SLAIN1: variants seen among roughly 807,000 people sequenced by gnomAD.
SLAIN1 encodes the protein SLAIN family member 1.
SLAIN1 carries 17 observed loss-of-function variants against 55.4 expected under a neutral mutation model. The ratio of observed to expected loss-of-function variants is 0.31; its 90% CI spans 0.21 to 0.46. The LOEUF (loss-of-function observed/expected upper bound fraction) is 0.46, where lower values mean the gene tolerates loss of function less well. Among genes scored for constraint, SLAIN1 ranks in the 20% least tolerant of loss-of-function variants. The pLI, the probability that SLAIN1 is intolerant of heterozygous loss-of-function variation, is 1.00. For synonymous variants in SLAIN1, 348 were observed against 337.4 expected, an observed-to-expected ratio of 1.03 and a Z score of -0.35; for missense variants, 682 against 785.1, an observed-to-expected ratio of 0.87 and a Z score of 1.57.
At chr13:77,719,791 C>T in intron 2 of SLAIN1, 120 bp downstream of exon 2, 1 of 1,075,218 alleles carries the variant, frequency 9.3e-7, no homozygotes, top group African/African-American at 1.6e-5. Flanking sequence ...GCAGCTGTTG[C>T]ATGCAATTTG....
At position 77,697,996 on chromosome 13, in the gene SLAIN1, A is replaced by C; in HGVS notation, c.83A>C (p.Glu28Ala). 1 of 1,440,630 alleles carries C rather than the reference A, an allele frequency of 6.9e-7. No homozygotes were observed. 89.2% of individuals were successfully genotyped at this position (1,440,630 alleles called of 1,614,324 possible). Residue 28 changes from glutamate (E) to alanine (A), a missense_variant, in exon 1 of 7, where the codon GAG becomes GCG. Transcript: ENST00000418532. ...GSGPVVNAEL[E>A]VKKLQELVRK... is the part of the protein sequence containing the mutation. Reference sequence around the variant, plus strand: ...GGGCCGGTGGTGAACGCGGAGCTGGAGGTGAAGAAGCTGCAGGAGCTGGTG... The same window carrying C: ...GGGCCGGTGGTGAACGCGGAGCTGGCGGTGAAGAAGCTGCAGGAGCTGGTG...
intron 2 of SLAIN1, among the ~76,000 whole-genome samples, chr13:77,730,029 T>C (rs2091342670): frequency 6.6e-6 from 1 of 151,910 alleles, no homozygotes; most frequent in Non-Finnish European, 1.5e-5. Flanking sequence ...AGTCTTTCAG[T>C]CTCAGAGACA....
At chr13:77,750,927 A>C (rs953394556) in intron 4 of SLAIN1, among the ~76,000 whole-genome samples, 57 of 152,290 alleles carry the variant, frequency 3.7e-4, no homozygotes, top group African/African-American at 1.3e-3. Flanking sequence ...TATACATATT[A>C]TCTAAGTATA....
At chr13:77,760,373 G>A (rs1479355347) in intron 5 of SLAIN1, among the ~76,000 whole-genome samples, 1 of 152,100 alleles carries the variant, frequency 6.6e-6, no homozygotes, top group Non-Finnish European at 1.5e-5. Flanking sequence ...TATTATTTAA[G>A]GAATATATCT....
rs2091000114 is a variant in SLAIN1 at position 77,698,762 on chromosome 13, G to A, written c.626+223G>A. The A allele has an allele frequency of 1.7e-6, 2 of 1,146,298 alleles. No homozygotes were observed. Among genetic ancestry groups the A allele is most frequent in the Non-Finnish European group, 2.4e-6 (2 of 847,236 alleles). 71.0% of individuals were successfully genotyped at this position (1,146,298 alleles called of 1,614,324 possible). On this transcript the variant is annotated intron_variant, in intron 1 of 6. Transcript: ENST00000418532. The surrounding 1 kb of genome is among the most constrained non-coding windows in gnomAD (Gnocchi z 4.1). ...CCTGTTTTCTAATCGCTCCGACTGC[G>A]GATGAACCGGCCCCCCCTTCCCCCC... is the stretch of plus-strand genomic sequence containing the variant.
chr13:77,733,808 G>A lies in SLAIN1; in HGVS notation c.767-10475G>A, dbSNP rs114157859. Reference sequence around the variant, plus strand: ...ACCCCATATGCTTGTTTATCAGGTCGTCAAGCACTGTGGAGAAACTAATGC... The same window carrying A: ...ACCCCATATGCTTGTTTATCAGGTCATCAAGCACTGTGGAGAAACTAATGC... On this transcript the variant is annotated intron_variant, in intron 2 of 6. Transcript: ENST00000418532. 8.5e-3 allele frequency among the ~76,000 whole-genome samples: 1,293 copies of A among 152,178 alleles called. 18 individuals are homozygous for A. Among genetic ancestry groups the A allele is most frequent in the African/African-American group, 0.03 (1,227 of 41,544 alleles).
chr13:77,749,628 C>T (rs1208192565), intron 4 of SLAIN1, among the ~76,000 whole-genome samples: 2 of 152,168 alleles, frequency 1.3e-5, no homozygotes, highest in Non-Finnish European at 2.9e-5. Context: ...CCTGCTGCAT[C>T]TCAGCCCTTG....
At chr13:77,700,984 A>G (rs1431594615) in intron 1 of SLAIN1, among the ~76,000 whole-genome samples, 1 of 152,178 alleles carries the variant, frequency 6.6e-6, no homozygotes, top group Non-Finnish European at 1.5e-5. Context: ...TATAATTACA[A>G]CAATCAATAT....
chr13:77,749,529 A>G (rs1000357845), intron 4 of SLAIN1, among the ~76,000 whole-genome samples: 1 of 152,054 alleles, frequency 6.6e-6, no homozygotes. Flanking sequence ...AAGATTCCTG[A>G]GTCTTTGTTC....
chr13:77,715,417 A>T (rs560606946), intron 1 of SLAIN1, among the ~76,000 whole-genome samples: 8 of 152,330 alleles, frequency 5.3e-5, no homozygotes, highest in Admixed American at 5.2e-4. Context: ...TTAAGTCTTC[A>T]TATGAACATG....
chr13:77,706,433 C>A (rs2091090971), intron 1 of SLAIN1, among the ~76,000 whole-genome samples: 1 of 151,994 alleles, frequency 6.6e-6, no homozygotes, highest in Admixed American at 6.6e-5. Flanking sequence ...AAATTATTTC[C>A]CCAAACACGC....
At chr13:77,739,330 A>T (rs1418025918) in intron 2 of SLAIN1, among the ~76,000 whole-genome samples, 1 of 152,098 alleles carries the variant, frequency 6.6e-6, no homozygotes, top group Admixed American at 6.6e-5. Flanking sequence ...GTTTGAGATA[A>T]GGAAATATTA....
At chr13:77,702,165 C>A (rs186300456) in intron 1 of SLAIN1, among the ~76,000 whole-genome samples, 1 of 151,634 alleles carries the variant, frequency 6.6e-6, no homozygotes, top group African/African-American at 2.4e-5. Flanking sequence ...TCCAGTCTAT[C>A]ATTGTTGGAC....
At chr13:77,705,583 T>G (rs1410546917) in intron 1 of SLAIN1, among the ~76,000 whole-genome samples, 1 of 151,936 alleles carries the variant, frequency 6.6e-6, no homozygotes, top group Admixed American at 6.6e-5. Flanking sequence ...CTAATGACAT[T>G]GAATAAAGTG....
chr13:77,753,211 C>CGAA lies in SLAIN1; in HGVS notation c.1272_1274dup (p.Arg424dup), dbSNP rs756046892. The CGAA allele has an allele frequency of 6.3e-7, 1 of 1,593,948 alleles. No homozygotes were observed. The highest frequency in any genetic ancestry group is 8.5e-7 in the Non-Finnish European group (1 of 1,173,560). ...GTAAAATTCTTTTCCAGATAAGCTC[C>CGAA]GAAGAAGTATGCCTAACCTAGCCCG... On this transcript the variant is annotated inframe_insertion, in exon 5 of 7. Transcript: ENST00000418532.
chr13:77,708,398 T>A (rs1594252031), intron 1 of SLAIN1, among the ~76,000 whole-genome samples: 1 of 152,112 alleles, frequency 6.6e-6, no homozygotes, highest in Admixed American at 6.5e-5. Context: ...AGAGCCGTGC[T>A]TTAGATAGCA....
chr13:77,698,465 C>G lies in SLAIN1; in HGVS notation c.552C>G (p.Pro184=), dbSNP rs1432277404. The part of the protein sequence containing the change: ...GAAAAPPSPP[P]TLLDEVELLD... Reference sequence around the variant, plus strand: ...CTGCAGCGCCGCCCTCGCCGCCCCCCACGCTGCTGGACGAGGTGGAATTGC... The same window carrying G: ...CTGCAGCGCCGCCCTCGCCGCCCCCGACGCTGCTGGACGAGGTGGAATTGC... Residue 184 remains proline, a synonymous_variant, in exon 1 of 7, where the codon CCC becomes CCG. Transcript: ENST00000418532. The surrounding 1 kb of genome is among the most constrained non-coding windows in gnomAD (Gnocchi z 4.1). The G allele has an allele frequency of 6.9e-7, 1 of 1,447,474 alleles. No individual in the cohort carries two copies. The highest frequency in any genetic ancestry group is 9.0e-7 in the Non-Finnish European group (1 of 1,105,370). The allele number at this position is 1,447,474 out of a possible 1,614,324, so 89.7% of individuals were successfully genotyped here.
chr13:77,700,642 T>C (rs941456692), intron 1 of SLAIN1, among the ~76,000 whole-genome samples: 2 of 152,196 alleles, frequency 1.3e-5, no homozygotes, highest in African/African-American at 4.8e-5. Flanking sequence ...TGTTAATGCT[T>C]GCAAAGCACT....
At chr13:77,736,898 T>G (rs1427441305) in intron 2 of SLAIN1, among the ~76,000 whole-genome samples, 1 of 152,044 alleles carries the variant, frequency 6.6e-6, no homozygotes, top group African/African-American at 2.4e-5. Context: ...CTGTCTACTC[T>G]AAATTGTTCC....
Sources: allele counts gnomAD v4.1 joint callset (sites outside exome capture counted in the v4.1 genomes callset), GRCh38; gene constraint gnomAD v4.1.1; non-coding constraint Gnocchi (gnomAD v3.1); transcripts MANE v1.5; gene names NCBI Gene and HGNC (gene_info 2026-07-23, HGNC 2026-07-21).